Variants in PRIM2 observed in about 807,000 individuals in gnomAD.
PRIM2 encodes DNA primase subunit 2, also known as DNA primase large subunit.
Under a neutral mutation model 67.3 loss-of-function variants are expected in PRIM2, and 39 were observed. That is an observed-to-expected ratio of 0.58 (90% CI 0.45 to 0.76). PRIM2 has a LOEUF of 0.76. PRIM2 is among the 30% of genes least tolerant of loss of function. The pLI is 0.00. For missense variants in PRIM2, 398 were observed against 598.7 expected (o/e 0.66, Z 3.50); for synonymous variants, 143 against 198.7 (o/e 0.72, Z 2.36).
chr6:57,385,828 C>G (rs1432768029), intron 7 of PRIM2, among the ~76,000 whole-genome samples: 1 of 152,080 alleles, frequency 6.6e-6, no homozygotes, highest in Admixed American at 6.6e-5. Flanking sequence ...ATGCTATGTT[C>G]TTTTCATTGC....
intron 7 of PRIM2, among the ~76,000 whole-genome samples, chr6:57,440,539 G>T (rs1772171226): frequency 6.6e-6 from 1 of 152,210 alleles, no homozygotes; most frequent in Non-Finnish European, 1.5e-5. Flanking sequence ...GAAAGTAATT[G>T]TAGTTGTTTG....
intron 7 of PRIM2, among the ~76,000 whole-genome samples, chr6:57,483,558 A>G (rs1773679650): frequency 6.6e-6 from 1 of 152,134 alleles, no homozygotes; most frequent in Non-Finnish European, 1.5e-5. Context: ...AGAAGCTAGT[A>G]TTTTTCAGTA....
chr6:57,515,751 C>T (rs2127462322), intron 8 of PRIM2, among the ~76,000 whole-genome samples: 1 of 152,304 alleles, frequency 6.6e-6, no homozygotes, highest in South Asian at 2.1e-4. Context: ...TATTAGTTTT[C>T]TATTCCAATC....
At position 57,538,057 on chromosome 6, in the gene PRIM2, C is replaced by A. The variant is rs1775036569; in HGVS notation, c.1020+432C>A. ...ACAGGGTCTTCTTCTGTTGCCCAGG[C>A]TGGGCTGGAGTGCAATGGTGCAATC... is the stretch of plus-strand genomic sequence containing the variant. On this transcript the variant is annotated intron_variant, in intron 10 of 13. Coordinates refer to ENST00000615550, the MANE Select transcript of PRIM2 (RefSeq NM_000947.5). Among the ~76,000 whole-genome samples the A allele has an allele frequency of 3.3e-5, 5 of 151,564 alleles. No individual in the cohort carries two copies. The South Asian group carries it at 1.0e-3, about 32-fold the overall frequency.
intron 10 of PRIM2, among the ~76,000 whole-genome samples, chr6:57,563,765 A>G (rs1346802137): frequency 1.4e-4 from 21 of 152,172 alleles, no homozygotes; most frequent in African/African-American, 4.6e-4. Flanking sequence ...TCTCCAAGCA[A>G]TTCTCCTGTG....
chr6:57,399,961 G>T (rs564476360), intron 7 of PRIM2, among the ~76,000 whole-genome samples: 1 of 152,046 alleles, frequency 6.6e-6, no homozygotes, highest in Non-Finnish European at 1.5e-5. Flanking sequence ...TCAGATGTGT[G>T]TTCCTTTATT....
At chr6:57,550,304 T>C (rs1775375276) in intron 10 of PRIM2, among the ~76,000 whole-genome samples, 1 of 151,762 alleles carries the variant, frequency 6.6e-6, no homozygotes, top group Non-Finnish European at 1.5e-5. Context: ...AATTCTTCTC[T>C]TGATGCTTTC....
the PRIM2 span, among the ~76,000 whole-genome samples, chr6:57,299,866 C>T: frequency 6.6e-6 from 1 of 152,186 alleles, no homozygotes; most frequent in East Asian, 1.9e-4. Context: ...AAGTGCTCCT[C>T]AGGGGCAGAG....
the PRIM2 span, among the ~76,000 whole-genome samples, chr6:57,273,744 C>T: frequency 6.6e-6 from 1 of 152,110 alleles, no homozygotes. Flanking sequence ...TGTTTTTTCC[C>T]CATCTTTTTG....
chr6:57,578,843 ATTTTTTG>A (rs1776019707), intron 10 of PRIM2, among the ~76,000 whole-genome samples: 1 of 150,974 alleles, frequency 6.6e-6, no homozygotes, highest in Non-Finnish European at 1.5e-5. Context: ...CGCCCGGCTA[ATTTTTTG>A]TATTTTTAGT....
intron 7 of PRIM2, among the ~76,000 whole-genome samples, chr6:57,411,860 C>T (rs748568130): frequency 3.6e-4 from 55 of 151,496 alleles, no homozygotes; most frequent in Non-Finnish European, 6.6e-4. Context: ...CTTAAGTATG[C>T]AATTTATATA....
intron 7 of PRIM2, among the ~76,000 whole-genome samples, chr6:57,422,219 A>G (rs2127372655): frequency 7.6e-6 from 1 of 132,438 alleles, no homozygotes; most frequent in East Asian, 2.3e-4. Context: ...CAATGGTGTG[A>G]TCTCGGCTCA....
At chr6:57,517,913 A>G (rs1774520229) in intron 8 of PRIM2, among the ~76,000 whole-genome samples, 1 of 152,176 alleles carries the variant, frequency 6.6e-6, no homozygotes, top group African/African-American at 2.4e-5. Context: ...ATCTTTTTCC[A>G]AGTAAACTGA....
chr6:57,560,086 A>T (rs1375695490), intron 10 of PRIM2, among the ~76,000 whole-genome samples: 1 of 152,202 alleles, frequency 6.6e-6, no homozygotes, highest in African/African-American at 2.4e-5. Context: ...CCTGTAACAG[A>T]ACTTCTTTGA....
chr6:57,330,383 G>GTTT (rs60270076), intron 5 of PRIM2, among the ~76,000 whole-genome samples: 1 of 99,556 alleles, frequency 1.0e-5, no homozygotes, highest in Non-Finnish European at 1.9e-5. Flanking sequence ...TTGTTTTTTT[G>GTTT]TTTTTTTTTT....
chr6:57,627,437 G>A (rs1776970286), intron 12 of PRIM2, among the ~76,000 whole-genome samples: 1 of 151,246 alleles, frequency 6.6e-6, no homozygotes, highest in Non-Finnish European at 1.5e-5. Context: ...CACCCAGGCT[G>A]GAGTGTAGGG....
intron 10 of PRIM2, among the ~76,000 whole-genome samples, chr6:57,558,984 C>A (rs1435880212): frequency 6.6e-6 from 1 of 151,850 alleles, no homozygotes; most frequent in Non-Finnish European, 1.5e-5. Flanking sequence ...AAAAAATTAG[C>A]TGGTGATACA....
In PRIM2 at chr6:57,478,631, T is replaced by G. The variant is rs1412901587; in HGVS notation, c.694-28756T>G. 2.8e-4 allele frequency among the ~76,000 whole-genome samples: 42 copies of G among 152,158 alleles called. 1 individual carries two copies. Among genetic ancestry groups the G allele is most frequent in the African/African-American group, 9.9e-4 (41 of 41,424 alleles). ...TTCTTCTTAGTTGGAAATTTGCAAG[T>G]GATTTTAGGTTGGCCTGTGCACTAG... On this transcript the variant is annotated intron_variant, in intron 7 of 13. Transcript: ENST00000615550.
At chr6:57,496,279 G>A (rs1353400384) in intron 7 of PRIM2, among the ~76,000 whole-genome samples, 1 of 152,164 alleles carries the variant, frequency 6.6e-6, no homozygotes, top group Admixed American at 6.6e-5. Context: ...GCAAAAAGTG[G>A]TACACTGTTT....
Sources: allele counts gnomAD v4.1 joint callset (sites outside exome capture counted in the v4.1 genomes callset), GRCh38; gene constraint gnomAD v4.1.1; transcripts MANE v1.5; gene names NCBI Gene and HGNC (gene_info 2026-07-23, HGNC 2026-07-21).